Variants in KIF1C observed in about 807,000 individuals in gnomAD.
KIF1C encodes the protein kinesin family member 1C.
A neutral mutation model predicts 126.5 loss-of-function variants in KIF1C; 61 were observed. The ratio of observed to expected loss-of-function variants is 0.48; its 90% CI spans 0.39 to 0.60. The LOEUF is 0.60. Ranked by LOEUF, KIF1C falls within the 20% of genes least tolerant of loss-of-function variation. The pLI, the probability that KIF1C is intolerant of heterozygous loss-of-function variation, is 0.00. For synonymous variants in KIF1C, 640 were observed against 580.6 expected (o/e 1.10, Z -1.47); for missense variants, 1,315 against 1,489.2 (o/e 0.88, Z 1.93).
intron 1 of KIF1C, among the ~76,000 whole-genome samples, chr17:4,998,643 G>T (rs1043888404): frequency 1.3e-5 from 2 of 152,184 alleles, no homozygotes; most frequent in African/African-American, 4.8e-5. Context: ...GGGTCTAGGG[G>T]GTCAGGGCTG....
At chr17:5,015,016 C>T (rs1005036771) in intron 18 of KIF1C, among the ~76,000 whole-genome samples, 179 bp downstream of exon 18, 5 of 152,148 alleles carry the variant, frequency 3.3e-5, no homozygotes, top group Non-Finnish European at 7.4e-5. Flanking sequence ...ATACCACAGG[C>T]CCAGCCCTCT....
chr17:5,013,847 C>CTA (rs1974917833), intron 17 of KIF1C, 115 bp downstream of exon 17: 1 of 733,068 alleles, frequency 1.4e-6, no homozygotes, highest in African/African-American at 1.8e-5. Flanking sequence ...CCTCAGATCT[C>CTA]TAAACAGCTG....
chr17:5,002,161 C>T, intron 6 of KIF1C, 37 bp downstream of exon 6: 1 of 1,578,490 alleles, frequency 6.3e-7, no homozygotes, highest in Non-Finnish European at 8.7e-7. Context: ...TGAGAGGGGT[C>T]CAGACTGCTG....
rs1974751495 is a variant in KIF1C at position 5,007,070 on chromosome 17, A to G, written c.1321A>G (p.Met441Val). Residue 441 changes from methionine (M) to valine (V), a missense_variant, in exon 14 of 23, where the codon ATG becomes GTG. Transcript: ENST00000320785. The stretch of plus-strand genomic sequence containing the variant: ...GTCCCAGATTGGGCCTGAGGAAGCC[A>G]TGGAGAGGCTGCAGGTGGGAAGCTG... Reference protein sequence around the residue: ...TESQIGPEEAMERLQETEKII... With the variant: ...TESQIGPEEAVERLQETEKII... 6.3e-7 allele frequency: 1 copy of G among 1,593,068 alleles called. No individual in the cohort carries two copies. Among genetic ancestry groups the G allele is most frequent in the South Asian group, 1.1e-5 (1 of 88,078 alleles).
rs1393566111 is a variant in KIF1C, at chr17:5,026,726, G to C, written c.*2575G>C. On this transcript the variant is annotated 3_prime_UTR_variant, in exon 23 of 23. Transcript: ENST00000320785. ...CACCACAGCACTCTGGCCTGGGCAA[G>C]AGTGGGACTCTCTCAAAAAAAAAAA... 2.4e-5 allele frequency: 3 copies of C among 126,234 alleles called. No homozygotes were observed. The highest frequency in any genetic ancestry group is 3.2e-5 in the Non-Finnish European group (2 of 62,610). 7.8% of individuals were successfully genotyped at this position (126,234 alleles called of 1,614,324 possible).
intron 8 of KIF1C, among the ~76,000 whole-genome samples, chr17:5,003,098 G>A (rs1974642593): frequency 6.6e-6 from 1 of 150,946 alleles, no homozygotes; most frequent in South Asian, 2.1e-4. Flanking sequence ...GTACAGTGGT[G>A]CAGTGGTGCG....
chr17:5,017,071 TC>T (rs533394973), intron 18 of KIF1C, among the ~76,000 whole-genome samples: 127 of 152,168 alleles, frequency 8.3e-4, no homozygotes, highest in Middle Eastern at 3.4e-3. Flanking sequence ...ATTGCCAAGT[TC>T]CTGTTCTGCG....
At chr17:5,001,607 T>C (rs1401190447) in intron 5 of KIF1C, among the ~76,000 whole-genome samples, 1 of 152,150 alleles carries the variant, frequency 6.6e-6, no homozygotes, top group African/African-American at 2.4e-5. Context: ...CCTCAGTGAG[T>C]AGAGCAGGGC....
At chr17:5,006,421 C>CT (rs560623642) in intron 13 of KIF1C, among the ~76,000 whole-genome samples, 126 of 151,992 alleles carry the variant, frequency 8.3e-4, no homozygotes, top group Non-Finnish European at 1.4e-3. Flanking sequence ...ACTGCAACCT[C>CT]TACCTCCTGG....
chr17:5,013,631 C>A (rs770939113), intron 16 of KIF1C, 22 bp from the exon 17 acceptor site: 15 of 1,600,692 alleles, frequency 9.4e-6, no homozygotes, highest in Admixed American at 1.7e-5. Context: ...CTCCCCCTGA[C>A]CACCTTTCTC....
intron 13 of KIF1C, 30 bp from the exon 14 acceptor site, chr17:5,006,885 C>T (rs1974745996): frequency 6.2e-7 from 1 of 1,610,334 alleles, no homozygotes; most frequent in African/African-American, 1.3e-5. Flanking sequence ...TTTCCTTAGC[C>T]TCATTCTTTT....
At chr17:5,006,132 A>G (rs1471213586) in intron 13 of KIF1C, among the ~76,000 whole-genome samples, 2 of 148,116 alleles carry the variant, frequency 1.4e-5, no homozygotes, top group African/African-American at 2.5e-5. Context: ...ACTTGAACCC[A>G]GGAGGTGGAG....
In KIF1C at chr17:5,024,406, G is replaced by T. The variant is rs1975168679; in HGVS notation, c.*255G>T. The T allele has an allele frequency of 9.8e-6, 4 of 408,874 alleles. No homozygotes were observed. Among genetic ancestry groups the T allele is most frequent in the South Asian group, 6.0e-5 (1 of 16,596 alleles). The allele number at this position is 408,874 out of a possible 1,614,324, so 25.3% of individuals were successfully genotyped here. A position where few individuals can be genotyped will look rare whatever the true frequency, so the allele number is the denominator to read the frequency against. Reference sequence around the variant, plus strand: ...CTCGGGGCCACCCCTTGCAAAGGGGGTGTGTCCCACAAACGCTGCTATGGG... The same window carrying T: ...CTCGGGGCCACCCCTTGCAAAGGGGTTGTGTCCCACAAACGCTGCTATGGG... On this transcript the variant is annotated 3_prime_UTR_variant, in exon 23 of 23. Coordinates refer to ENST00000320785, the MANE Select transcript of KIF1C (RefSeq NM_006612.6).
In KIF1C at chr17:5,012,803, G is replaced by A. The variant is rs570840439; in HGVS notation, c.1492-850G>A. Among the ~76,000 whole-genome samples, 8 of 152,304 alleles carry A rather than the reference G, an allele frequency of 5.3e-5. No homozygotes were observed. The East Asian group carries it at 7.7e-4, about 15-fold the overall frequency. ...TGAATGGGGGTACAGAGGCAGCGTCGCCTGTACGCCATCCAGAGTACTGCC... is the reference window on the plus strand; with the variant it reads ...TGAATGGGGGTACAGAGGCAGCGTCACCTGTACGCCATCCAGAGTACTGCC... On this transcript the variant is annotated intron_variant, in intron 16 of 22. Transcript: ENST00000320785.
rs2143317920 is a variant in KIF1C at position 5,003,654 on chromosome 17, GC to G, written c.765del (p.Asp256ThrfsTer10). On this transcript the variant is annotated frameshift_variant, in exon 9 of 23. Transcript: ENST00000320785. LOFTEE classifies it high-confidence loss of function. ...GGTGGACCTTGCTGGGAGTGAGCGA[GC>G]CGACTCCTCAGGGGCCCGGGGCATG... ...SLVDLAGSER[A>X]DSSGARGMRL... 1 of 1,613,846 alleles carries G rather than the reference GC, an allele frequency of 6.2e-7. No homozygotes were observed. Among genetic ancestry groups the G allele is most frequent in the Non-Finnish European group, 8.5e-7 (1 of 1,179,926 alleles).
chr17:4,998,549 G>T (rs1974459458), intron 1 of KIF1C, among the ~76,000 whole-genome samples: 1 of 152,160 alleles, frequency 6.6e-6, no homozygotes, highest in Admixed American at 6.5e-5. Context: ...GCCCCCAGCC[G>T]TGCCACCCCA....
At chr17:5,008,576 T>G (rs111381685) in intron 16 of KIF1C, among the ~76,000 whole-genome samples, 5,679 of 152,256 alleles carry the variant, frequency 0.037, 165 homozygotes, top group Non-Finnish European at 0.056. Flanking sequence ...CCTCTCTGTT[T>G]TGTAAAGTCA....
chr17:5,006,621 T>C (rs943489171), intron 13 of KIF1C, among the ~76,000 whole-genome samples: 1 of 152,036 alleles, frequency 6.6e-6, no homozygotes, highest in Non-Finnish European at 1.5e-5. Context: ...CAGGTGTGAG[T>C]CACCACACCT....
In KIF1C at chr17:5,022,299, C is replaced by T. The variant is rs752781012; in HGVS notation, c.2218C>T (p.Arg740Cys). 27 of 1,611,714 alleles carry T rather than the reference C, an allele frequency of 1.7e-5. No homozygotes were observed. The highest frequency in any genetic ancestry group is 1.6e-4 in the Middle Eastern group (1 of 6,066). ...QRRRLQGKDP[R>C]WATMADLKMQ... is the part of the protein sequence containing the mutation. ...ACGCAGGCTGCAGGGCAAAGACCCC[C>T]GCTGGGCCACCATGGCTGACCTGAA... The change falls in exon 22 of 23, where the codon CGC becomes TGC. Residue 740 changes from arginine (R) to cysteine (C), a missense_variant. Physicochemically the swap from Arg to Cys is radical, Grantham distance 180. Transcript: ENST00000320785. The surrounding 1 kb of genome is among the most constrained non-coding windows in gnomAD (Gnocchi z 4.9).
Sources: gnomAD v4.1 joint callset for allele counts (sites outside exome capture counted in the v4.1 genomes callset) on GRCh38, gnomAD v4.1.1 for gene constraint, Gnocchi (gnomAD v3.1) non-coding constraint, MANE v1.5 for transcripts, NCBI Gene and HGNC (gene_info 2026-07-23, HGNC 2026-07-21) for gene names.